Variants in TRAPPC8 observed in about 807,000 individuals in gnomAD.
TRAPPC8 encodes trafficking protein particle complex subunit 8, also known as general sporulation gene 1 homolog.
A neutral mutation model predicts 174.3 loss-of-function variants in TRAPPC8; 54 were observed. The ratio of observed to expected loss-of-function variants is 0.31; its 90% confidence interval spans 0.25 to 0.39. The LOEUF (loss-of-function observed/expected upper bound fraction) is 0.39. TRAPPC8 is among the 10% of genes least tolerant of loss of function. TRAPPC8 has a pLI of 1.00. For synonymous variants in TRAPPC8, 630 were observed against 579.9 expected, an observed-to-expected ratio of 1.09 and a Z score of -1.24; for missense variants, 1,531 against 1,699.1, an observed-to-expected ratio of 0.90 and a Z score of 1.74.
chr18:31,891,592 T>C (rs1397731653), intron 11 of TRAPPC8, among the ~76,000 whole-genome samples: 1 of 152,170 alleles, frequency 6.6e-6, no homozygotes, highest in Non-Finnish European at 1.5e-5. Flanking sequence ...GAAAGAGTCA[T>C]CACTTTACAG....
intron 9 of TRAPPC8, 78 bp downstream of exon 9, chr18:31,907,382 T>G: frequency 1.4e-6 from 2 of 1,387,984 alleles, no homozygotes; most frequent in Non-Finnish European, 1.9e-6. Context: ...CCCTAAGGAT[T>G]CTGTTTGCCA....
intron 27 of TRAPPC8, among the ~76,000 whole-genome samples, chr18:31,833,622 C>T (rs1001627732): frequency 6.6e-6 from 1 of 152,144 alleles, no homozygotes; most frequent in African/African-American, 2.4e-5. Flanking sequence ...GAGTATGCAC[C>T]AGAAATACCT....
chr18:31,897,279 T>C (rs977861557), intron 11 of TRAPPC8, among the ~76,000 whole-genome samples: 1 of 152,236 alleles, frequency 6.6e-6, no homozygotes, highest in African/African-American at 2.4e-5. Context: ...AATTACTTTT[T>C]TCTCTTTTAA....
rs111645582 is a variant in TRAPPC8 at position 31,933,954 on chromosome 18, G to A, written c.158-2431C>T. On this transcript the variant is annotated intron_variant, in intron 1 of 28. Transcript: ENST00000283351. Reference sequence around the variant, plus strand: ...GTAATCCCAGCACTTTTGGGAGGCTGAAGCGGGCGGAACACTTGAGGTCAG... The same window carrying A: ...GTAATCCCAGCACTTTTGGGAGGCTAAAGCGGGCGGAACACTTGAGGTCAG... Among the ~76,000 whole-genome samples, 432 of 152,150 alleles carry A rather than the reference G, an allele frequency of 2.8e-3. 2 individuals are homozygous for A. The highest frequency in any genetic ancestry group is 9.5e-3 in the African/African-American group (395 of 41,508).
intron 1 of TRAPPC8, chr18:31,939,685 T>A (rs1444518802): frequency 2.0e-5 from 3 of 152,132 alleles, no homozygotes; most frequent in Non-Finnish European, 4.4e-5. Context: ...AGAAACCCCA[T>A]CTCTACAAAA....
At chr18:31,932,228 C>A (rs537854002) in intron 1 of TRAPPC8, among the ~76,000 whole-genome samples, 1 of 152,204 alleles carries the variant, frequency 6.6e-6, no homozygotes, top group African/African-American at 2.4e-5. Context: ...GAGTTGGAGA[C>A]AAGCCTGGCC....
chr18:31,838,852 T>G (rs575351477), intron 27 of TRAPPC8, among the ~76,000 whole-genome samples: 240 of 152,260 alleles, frequency 1.6e-3, no homozygotes, highest in Non-Finnish European at 2.5e-3. Context: ...TTTCCTTAGC[T>G]TCTTTCTCAG....
chr18:31,935,368 A>AAAAAAAAC (rs1568157814), intron 1 of TRAPPC8, among the ~76,000 whole-genome samples: 1 of 148,986 alleles, frequency 6.7e-6, no homozygotes, highest in Admixed American at 6.7e-5. Context: ...ACAAACCAAA[A>AAAAAAAAC]AAAAAACAGG....
chr18:31,836,910 C>T (rs1047016943), intron 27 of TRAPPC8, among the ~76,000 whole-genome samples: 16 of 151,976 alleles, frequency 1.1e-4, no homozygotes, highest in South Asian at 6.2e-4. Context: ...TACAGGTGCC[C>T]GCCACCACAC....
chr18:31,875,810 T>C (rs888551723), intron 12 of TRAPPC8, among the ~76,000 whole-genome samples: 4 of 151,944 alleles, frequency 2.6e-5, no homozygotes, highest in African/African-American at 7.3e-5. Flanking sequence ...TCAAAAGAGG[T>C]ACACAGAAAG....
intron 5 of TRAPPC8, among the ~76,000 whole-genome samples, chr18:31,910,753 T>C (rs769879693): frequency 1.3e-5 from 2 of 152,232 alleles, no homozygotes; most frequent in Non-Finnish European, 1.5e-5. Flanking sequence ...TTCTCCAACT[T>C]TGAGCTTCTA....
chr18:31,832,258 A>C, intron 27 of TRAPPC8, 85 bp from the exon 28 acceptor site: 1 of 616,616 alleles, frequency 1.6e-6, no homozygotes, highest in Non-Finnish European at 2.4e-6. Flanking sequence ...AAGACTATGT[A>C]ACAGAGCATA....
Position 31,930,878 on chromosome 18 carries a change from T to A in TRAPPC8, c.352+451A>T, listed in dbSNP as rs1000355743. On this transcript the variant is annotated intron_variant, in intron 2 of 28. Coordinates refer to ENST00000283351, the MANE Select transcript of TRAPPC8 (RefSeq NM_014939.5). ...CCCCTATCTCTATAAAAATTTAATT[T>A]AAAAAATAAAATACATATGTACATA... 3.3e-5 allele frequency among the ~76,000 whole-genome samples: 5 copies of A among 152,106 alleles called. No homozygotes were observed. In the East Asian group the frequency reaches 5.8e-4, roughly 18 times the overall value.
intron 12 of TRAPPC8, among the ~76,000 whole-genome samples, chr18:31,876,436 G>C (rs1410610649): frequency 3.8e-5 from 5 of 133,080 alleles, no homozygotes; most frequent in African/African-American, 1.5e-4. Flanking sequence ...CTTACAGTAA[G>C]CCAAGATTGT....
intron 1 of TRAPPC8, chr18:31,939,891 CAAAA>C (rs1384916029): frequency 2.6e-5 from 4 of 152,502 alleles, no homozygotes; most frequent in Non-Finnish European, 4.4e-5. Context: ...AACAAACAAA[CAAAA>C]AAACTCCTTC....
intron 19 of TRAPPC8, among the ~76,000 whole-genome samples, chr18:31,862,775 A>T (rs1176928668): frequency 1.3e-5 from 2 of 152,154 alleles, no homozygotes; most frequent in East Asian, 3.9e-4. Flanking sequence ...GTAAGAAGAA[A>T]GGAAATAACA....
intron 19 of TRAPPC8, 150 bp from the exon 20 acceptor site, chr18:31,858,132 A>C (rs896101526): frequency 1.6e-6 from 1 of 639,744 alleles, no homozygotes; most frequent in Admixed American, 3.0e-5. Context: ...TGTGGCAGTT[A>C]ATGACTCCAT....
intron 12 of TRAPPC8, among the ~76,000 whole-genome samples, chr18:31,879,048 G>A (rs1412676258): frequency 3.3e-5 from 5 of 152,130 alleles, no homozygotes; most frequent in Non-Finnish European, 7.4e-5. Context: ...ACACCCCACT[G>A]ACAACACTAG....
intron 20 of TRAPPC8, among the ~76,000 whole-genome samples, chr18:31,856,975 G>A (rs2034054310): frequency 6.6e-6 from 1 of 151,726 alleles, no homozygotes. Flanking sequence ...TGACAATGGA[G>A]GTATCAAAAG....
Sources: gnomAD v4.1 joint callset for allele counts (sites outside exome capture counted in the v4.1 genomes callset) on GRCh38, gnomAD v4.1.1 for gene constraint, MANE v1.5 for transcripts, NCBI Gene and HGNC (gene_info 2026-07-23, HGNC 2026-07-21) for gene names.